The following FXYD6 variants were observed in gnomAD, a reference collection of about 807,000 sequenced individuals.
The protein encoded by FXYD6 is FXYD domain containing ion transport regulator 6.
FXYD6 carries 7 observed loss-of-function variants against 16.7 expected under a neutral mutation model. The observed-to-expected ratio is 0.42, with a 90% CI of 0.24 to 0.79. FXYD6 has a LOEUF of 0.79. FXYD6 is among the 30% of genes least tolerant of loss of function. FXYD6 has a pLI of 0.28. For missense variants in FXYD6, 111 were observed against 116.2 expected (o/e 0.95, Z 0.21); for synonymous variants, 49 against 43.0 (o/e 1.14, Z -0.54).
chr11:117,876,661 G>A (rs1464348569), upstream of FXYD6: 1 of 152,198 alleles, frequency 6.6e-6, no homozygotes. Context: ...GGAGTGGCGG[G>A]GCTGGGGGCA....
At chr11:117,873,064 G>C (rs533839946) in intron 1 of FXYD6, among the ~76,000 whole-genome samples, 15 of 152,304 alleles carry the variant, frequency 9.8e-5, no homozygotes, top group Admixed American at 3.3e-4. Context: ...CCAGTGTGCA[G>C]CCTGGTAGAA....
intron 1 of FXYD6, among the ~76,000 whole-genome samples, chr11:117,852,011 G>C (rs143613311): frequency 6.6e-6 from 1 of 152,274 alleles, no homozygotes; most frequent in Non-Finnish European, 1.5e-5. Flanking sequence ...AAGCTGCTAT[G>C]TCATGAGACA....
chr11:117,873,525 G>A (rs778204816), intron 1 of FXYD6, among the ~76,000 whole-genome samples: 2 of 152,352 alleles, frequency 1.3e-5, no homozygotes, highest in East Asian at 3.9e-4. Context: ...GGAAGCTCAG[G>A]GGGAGAGCTG....
intron 5 of FXYD6, 71 bp from the exon 6 acceptor site, chr11:117,840,439 C>T: frequency 6.2e-7 from 1 of 1,602,512 alleles, no homozygotes; most frequent in Non-Finnish European, 8.5e-7. Flanking sequence ...CGTTCTGCTC[C>T]TCACTGGGGC....
chr11:117,846,710 T>A (rs1352416599), intron 1 of FXYD6, among the ~76,000 whole-genome samples: 1 of 152,228 alleles, frequency 6.6e-6, no homozygotes, highest in Admixed American at 6.5e-5. Flanking sequence ...GGGCTATCTC[T>A]TTGGGTCTCT....
At chr11:117,843,330 A>T (rs1222648108) in intron 1 of FXYD6, among the ~76,000 whole-genome samples, 1 of 152,222 alleles carries the variant, frequency 6.6e-6, no homozygotes, top group African/African-American at 2.4e-5. Context: ...ACGCAGGCCG[A>T]GAACCTGAAG....
chr11:117,844,742 C>T (rs778828825), intron 1 of FXYD6, among the ~76,000 whole-genome samples: 2 of 152,180 alleles, frequency 1.3e-5, no homozygotes, highest in Non-Finnish European at 2.9e-5. Context: ...CCACCCACCT[C>T]GGCCTCCCAG....
chr11:117,847,633 T>C (rs1440044911), intron 1 of FXYD6, among the ~76,000 whole-genome samples: 1 of 151,516 alleles, frequency 6.6e-6, no homozygotes. Flanking sequence ...TTTGTCCTTA[T>C]GATAGTTTTC....
intron 1 of FXYD6, among the ~76,000 whole-genome samples, chr11:117,871,263 G>A (rs745768504): frequency 6.6e-6 from 1 of 152,184 alleles, no homozygotes; most frequent in Non-Finnish European, 1.5e-5. Context: ...TCTTGGGAAC[G>A]CGTGGTGTGC....
chr11:117,866,353 C>T (rs937722470), intron 1 of FXYD6, among the ~76,000 whole-genome samples: 6 of 151,974 alleles, frequency 3.9e-5, no homozygotes, highest in African/African-American at 9.7e-5. Context: ...GTATAGGTGA[C>T]GGGAAAAAAC....
At chr11:117,854,805 G>A (rs1365118790) in intron 1 of FXYD6, among the ~76,000 whole-genome samples, 1 of 152,194 alleles carries the variant, frequency 6.6e-6, no homozygotes, top group Non-Finnish European at 1.5e-5. Flanking sequence ...AAGGCATTCC[G>A]GTAGAGAAGA....
chr11:117,849,944 C>G (rs1051409590), intron 1 of FXYD6, among the ~76,000 whole-genome samples: 2 of 152,136 alleles, frequency 1.3e-5, no homozygotes, highest in South Asian at 4.1e-4. Context: ...GCAAGTGCTC[C>G]GAAGGGTAGC....
intron 5 of FXYD6, among the ~76,000 whole-genome samples, chr11:117,840,779 G>A (rs766398592): frequency 1.2e-4 from 18 of 152,046 alleles, no homozygotes; most frequent in Admixed American, 2.6e-4. Context: ...GTGACAAGTG[G>A]GGACTGTGTC....
rs34632455 is a variant in FXYD6 at position 117,865,921 on chromosome 11, C to CAA, written c.-6+10669_-6+10670dup. 3.0e-3 allele frequency among the ~76,000 whole-genome samples: 453 copies of CAA among 151,228 alleles called. 7 individuals are homozygous for CAA. The highest frequency in any genetic ancestry group is 5.3e-3 in the Admixed American group (80 of 15,218). On this transcript the variant is annotated intron_variant, in intron 1 of 7. Coordinates refer to ENST00000526014, the MANE Select transcript of FXYD6 (RefSeq NM_022003.4). ...TGGGCGACAGAACAAGATTCCATCT[C>CAA]AAAAAAAACAAAAAAGAGTGCCTGT...
intron 6 of FXYD6, 122 bp downstream of exon 6, chr11:117,840,197 T>C (rs1167999908): frequency 7.5e-7 from 1 of 1,338,650 alleles, no homozygotes; most frequent in Non-Finnish European, 1.1e-6. Context: ...GGAGACCCAC[T>C]CTCCTGGCAC....
chr11:117,847,540 T>G (rs1591559981), intron 1 of FXYD6, among the ~76,000 whole-genome samples: 2 of 114,220 alleles, frequency 1.8e-5, no homozygotes, highest in Non-Finnish European at 1.7e-5. Flanking sequence ...CAGGCCCCGG[T>G]GTGTGATGTT....
At chr11:117,858,591 GT>G (rs1173862894) in intron 1 of FXYD6, among the ~76,000 whole-genome samples, 3 of 151,964 alleles carry the variant, frequency 2.0e-5, no homozygotes, top group African/African-American at 7.3e-5. Context: ...TTCATCCTCT[GT>G]TTTTGTAAAA....
At chr11:117,847,281 G>C (rs2056492033) in intron 1 of FXYD6, among the ~76,000 whole-genome samples, 1 of 152,000 alleles carries the variant, frequency 6.6e-6, no homozygotes, top group Non-Finnish European at 1.5e-5. Context: ...TTTCTCTGTA[G>C]ATATATCATC....
intron 1 of FXYD6, among the ~76,000 whole-genome samples, chr11:117,866,329 TG>T (rs1402522860): frequency 6.6e-6 from 1 of 151,362 alleles, no homozygotes; most frequent in African/African-American, 2.4e-5. Context: ...AAAAAAAAAC[TG>T]GGGGGGAAAT....
Sources: gnomAD v4.1 joint callset for allele counts (sites outside exome capture counted in the v4.1 genomes callset) on GRCh38, gnomAD v4.1.1 for gene constraint, MANE v1.5 for transcripts, NCBI Gene and HGNC (gene_info 2026-07-23, HGNC 2026-07-21) for gene names.